The following PLPPR1 variants were observed in gnomAD, a reference collection of about 807,000 sequenced individuals.
PLPPR1 encodes phospholipid phosphatase related 1.
PLPPR1 carries 10 observed loss-of-function variants against 33.1 expected under a neutral mutation model. The observed-to-expected ratio is 0.30, with a 90% confidence interval of 0.19 to 0.51. The LOEUF is 0.51. Among genes scored for constraint, PLPPR1 ranks in the 20% least tolerant of loss-of-function variants. PLPPR1 has a pLI of 0.97. For synonymous variants in PLPPR1, 151 were observed against 151.0 expected, an observed-to-expected ratio of 1.00 and a Z score of 0.00; for missense variants, 304 against 408.1, an observed-to-expected ratio of 0.74 and a Z score of 2.20.
chr9:101,150,006 A>C (rs16919985), intron 1 of PLPPR1, among the ~76,000 whole-genome samples: 1 of 151,822 alleles, frequency 6.6e-6, no homozygotes, highest in African/African-American at 2.4e-5. Context: ...GTTTTATGTC[A>C]TTTCTTTAAG....
chr9:101,115,071 G>C (rs1831102866), intron 1 of PLPPR1, among the ~76,000 whole-genome samples: 1 of 152,154 alleles, frequency 6.6e-6, no homozygotes, highest in African/African-American at 2.4e-5. Context: ...TCTGGGGCCA[G>C]ACTGCATTTG....
intron 2 of PLPPR1, among the ~76,000 whole-genome samples, chr9:101,221,240 C>A (rs991503019): frequency 3.9e-5 from 6 of 152,050 alleles, no homozygotes; most frequent in Admixed American, 1.3e-4. Flanking sequence ...ATCCCTCACC[C>A]CTCTCCCACT....
At chr9:101,157,410 G>T (rs1831710381) in intron 1 of PLPPR1, among the ~76,000 whole-genome samples, 1 of 152,154 alleles carries the variant, frequency 6.6e-6, no homozygotes, top group Non-Finnish European at 1.5e-5. Context: ...TAAACATTCA[G>T]TAAATATGTC....
intron 2 of PLPPR1, among the ~76,000 whole-genome samples, chr9:101,242,783 T>C (rs1303992866): frequency 1.3e-5 from 2 of 152,096 alleles, no homozygotes; most frequent in South Asian, 2.1e-4. Context: ...GTGCTCACTG[T>C]GTACTGGTAA....
At chr9:101,167,675 C>T (rs1564163861) in intron 1 of PLPPR1, among the ~76,000 whole-genome samples, 1 of 152,070 alleles carries the variant, frequency 6.6e-6, no homozygotes, top group Non-Finnish European at 1.5e-5. Flanking sequence ...TTTGGTCCCT[C>T]TGACTTTAAT....
At chr9:101,150,060 T>G (rs2118647972) in intron 1 of PLPPR1, among the ~76,000 whole-genome samples, 1 of 152,246 alleles carries the variant, frequency 6.6e-6, no homozygotes, top group East Asian at 1.9e-4. Context: ...GTGTTTATTT[T>G]ATATATGTGC....
chr9:101,155,439 A>G (rs577468319), intron 1 of PLPPR1, among the ~76,000 whole-genome samples: 150 of 152,312 alleles, frequency 9.8e-4, no homozygotes, highest in African/African-American at 3.5e-3. Context: ...TATATATGCA[A>G]GAGATTAAGG....
chr9:101,322,133 G>A (rs780701904), intron 7 of PLPPR1, among the ~76,000 whole-genome samples: 1 of 137,764 alleles, frequency 7.3e-6, no homozygotes, highest in African/African-American at 2.7e-5. Flanking sequence ...AAGAGGCATG[G>A]GTTGCAGTGA....
intron 1 of PLPPR1, among the ~76,000 whole-genome samples, chr9:101,042,175 G>A (rs1355458375): frequency 1.3e-5 from 2 of 152,138 alleles, no homozygotes; most frequent in Non-Finnish European, 2.9e-5. Context: ...CAGATAATTT[G>A]TAGCTTTTTC....
intron 1 of PLPPR1, among the ~76,000 whole-genome samples, chr9:101,037,741 C>T (rs1830027238): frequency 6.6e-6 from 1 of 151,938 alleles, no homozygotes; most frequent in African/African-American, 2.4e-5. Flanking sequence ...AATAGAAAGA[C>T]CTTTTCATTC....
chr9:101,187,855 A>G (rs1443204777), intron 2 of PLPPR1: 2 of 152,030 alleles, frequency 1.3e-5, no homozygotes, highest in Admixed American at 6.6e-5. Context: ...GGAAAATAAA[A>G]TGTTACAGAT....
intron 1 of PLPPR1, among the ~76,000 whole-genome samples, chr9:101,154,335 G>A (rs1311784129): frequency 6.6e-6 from 1 of 152,012 alleles, no homozygotes; most frequent in African/African-American, 2.4e-5. Context: ...GAATCCATCT[G>A]GTCCTGGACT....
intron 1 of PLPPR1, among the ~76,000 whole-genome samples, chr9:101,175,796 T>G (rs982455451): frequency 1.3e-5 from 2 of 152,190 alleles, no homozygotes; most frequent in Non-Finnish European, 2.9e-5. Flanking sequence ...AGAATCTTGG[T>G]GGCTGCCATA....
chr9:101,287,780 C>T (rs1828420535), intron 4 of PLPPR1, among the ~76,000 whole-genome samples: 1 of 152,148 alleles, frequency 6.6e-6, no homozygotes, highest in Admixed American at 6.5e-5. Context: ...GGATTACAGA[C>T]ATGAGCCACT....
At chr9:101,137,592 T>G (rs984833341) in intron 1 of PLPPR1, among the ~76,000 whole-genome samples, 2 of 152,168 alleles carry the variant, frequency 1.3e-5, no homozygotes, top group African/African-American at 2.4e-5. Flanking sequence ...TTCATTTGCC[T>G]CCTTAGTTGG....
intron 5 of PLPPR1, 125 bp from the exon 6 acceptor site, chr9:101,312,669 CTAGT>C (rs1828979724): frequency 3.1e-6 from 2 of 636,718 alleles, no homozygotes; most frequent in Admixed American, 2.8e-5. Context: ...TCAAGGAATA[CTAGT>C]TAGTGTGGTT....
chr9:101,261,162 C>T (rs1827891999), intron 2 of PLPPR1, among the ~76,000 whole-genome samples: 1 of 152,082 alleles, frequency 6.6e-6, no homozygotes, highest in African/African-American at 2.4e-5. Context: ...CTCATTATAC[C>T]TCACAGAGTA....
chr9:101,058,740 G>A (rs751888202), intron 1 of PLPPR1, among the ~76,000 whole-genome samples: 2 of 152,010 alleles, frequency 1.3e-5, no homozygotes, highest in Non-Finnish European at 2.9e-5. Flanking sequence ...AGGCAAAAGA[G>A]TTTCTCAAAT....
chr9:101,265,120 C>G (rs186718993), intron 2 of PLPPR1, among the ~76,000 whole-genome samples: 2 of 152,278 alleles, frequency 1.3e-5, no homozygotes, highest in Admixed American at 1.3e-4. Context: ...AATTATTGCT[C>G]TTCTTGACAT....
Sources: allele counts gnomAD v4.1 joint callset (sites outside exome capture counted in the v4.1 genomes callset), GRCh38; gene constraint gnomAD v4.1.1; transcripts MANE v1.5; gene names NCBI Gene and HGNC (gene_info 2026-07-23, HGNC 2026-07-21).